Variants in LUZP2 observed in about 807,000 individuals in gnomAD.
LUZP2 encodes leucine zipper protein 2.
A neutral mutation model predicts 51.6 loss-of-function variants in LUZP2; 52 were observed. That is an observed-to-expected ratio of 1.01 (90% CI 0.81 to 1.27). LUZP2 has a LOEUF of 1.27. Among genes scored for constraint, LUZP2 ranks in the 50% most tolerant of loss-of-function variants. The pLI, the probability that LUZP2 is intolerant of heterozygous loss-of-function variation, is 0.00. For missense variants in LUZP2, 436 were observed against 395.4 expected (o/e 1.10, Z -0.87); for synonymous variants, 154 against 137.3 (o/e 1.12, Z -0.85).
intron 10 of LUZP2, among the ~76,000 whole-genome samples, chr11:25,071,680 G>T (rs1859161869): frequency 6.6e-6 from 1 of 151,122 alleles, no homozygotes; most frequent in Non-Finnish European, 1.5e-5. Flanking sequence ...GGGGTTGGGG[G>T]AGAGGGGAGA....
chr11:24,739,170 G>A (rs1357505179), intron 4 of LUZP2, among the ~76,000 whole-genome samples: 2 of 152,048 alleles, frequency 1.3e-5, no homozygotes, highest in Non-Finnish European at 2.9e-5. Context: ...GGAGGAAACT[G>A]TGGGTAAGAG....
intron 1 of LUZP2, among the ~76,000 whole-genome samples, chr11:24,567,238 GAA>G (rs138401731): frequency 4.8e-4 from 71 of 147,304 alleles, no homozygotes; most frequent in Middle Eastern, 3.5e-3. Flanking sequence ...GAGTAGATTT[GAA>G]AAAAAAATCA....
Position 24,655,433 on chromosome 11 carries a change from C to T in LUZP2, c.63-73736C>T, listed in dbSNP as rs10128728. Reference sequence around the variant, plus strand: ...GTGCAGTGAATATTTTGGATCATTTCGGAAATAAACTGCAATTGAGGGATT... The same window carrying T: ...GTGCAGTGAATATTTTGGATCATTTTGGAAATAAACTGCAATTGAGGGATT... On this transcript the variant is annotated intron_variant, in intron 1 of 11. Transcript: ENST00000336930. 9.9e-5 allele frequency among the ~76,000 whole-genome samples: 15 copies of T among 151,624 alleles called. No homozygotes were observed. The East Asian group carries it at 2.3e-3, about 24-fold the overall frequency.
chr11:24,709,490 AAG>A (rs1337685058), intron 1 of LUZP2, among the ~76,000 whole-genome samples: 4 of 152,130 alleles, frequency 2.6e-5, no homozygotes, highest in African/African-American at 9.7e-5. Flanking sequence ...GAGAAGCTAA[AAG>A]AGAAAGGGCA....
intron 1 of LUZP2, among the ~76,000 whole-genome samples, chr11:24,566,808 A>T (rs1332287386): frequency 2.1e-5 from 3 of 142,764 alleles, no homozygotes; most frequent in South Asian, 2.2e-4. Flanking sequence ...ATACATATTT[A>T]TATATAACTT....
At chr11:24,810,336 G>T (rs1192217178) in intron 5 of LUZP2, among the ~76,000 whole-genome samples, 1 of 152,052 alleles carries the variant, frequency 6.6e-6, no homozygotes, top group African/African-American at 2.4e-5. Flanking sequence ...ATTTTTGTAA[G>T]TTAGAAAGAA....
At chr11:24,709,718 G>C (rs569972262) in intron 1 of LUZP2, among the ~76,000 whole-genome samples, 3 of 152,248 alleles carry the variant, frequency 2.0e-5, no homozygotes, top group South Asian at 4.1e-4. Flanking sequence ...AAAGAGGAAT[G>C]TATACAGCCT....
chr11:24,594,754 T>C (rs1853376771), intron 1 of LUZP2, among the ~76,000 whole-genome samples: 1 of 129,468 alleles, frequency 7.7e-6, no homozygotes, highest in African/African-American at 2.9e-5. Context: ...GGGACACTTT[T>C]TTTTTTTTTT....
At position 24,901,962 on chromosome 11, in the gene LUZP2, G is replaced by A. The variant is rs1853294035; in HGVS notation, c.397-4029G>A. ...AGTAAACATGATAAACAGAACTTCA[G>A]TAAAATATAGCAGTGTAATATTTTG... On this transcript the variant is annotated intron_variant, in intron 5 of 11. Transcript: ENST00000336930. Among the ~76,000 whole-genome samples, 2 of 152,050 alleles carry A rather than the reference G, an allele frequency of 1.3e-5. 1 individual carries two copies. Among genetic ancestry groups the A allele is most frequent in the Non-Finnish European group, 2.9e-5 (2 of 67,998 alleles).
intron 7 of LUZP2, among the ~76,000 whole-genome samples, chr11:24,926,077 T>C (rs970240282): frequency 1.8e-4 from 28 of 151,972 alleles, no homozygotes; most frequent in African/African-American, 5.3e-4. Context: ...TTTTGTTCCT[T>C]TTTATGGCTG....
intron 5 of LUZP2, among the ~76,000 whole-genome samples, chr11:24,812,574 C>T (rs1850053763): frequency 1.3e-5 from 2 of 152,102 alleles, no homozygotes; most frequent in Non-Finnish European, 2.9e-5. Context: ...TTCCTTAGCA[C>T]ATGCCATAAT....
chr11:24,687,690 C>A (rs181954180), intron 1 of LUZP2, among the ~76,000 whole-genome samples: 1 of 152,238 alleles, frequency 6.6e-6, no homozygotes, highest in Non-Finnish European at 1.5e-5. Context: ...TTGATTTTCC[C>A]CACTCTATTT....
chr11:25,024,236 C>G (rs991906299), intron 9 of LUZP2, among the ~76,000 whole-genome samples: 28 of 152,172 alleles, frequency 1.8e-4, no homozygotes, highest in African/African-American at 6.5e-4. Flanking sequence ...AAAACTGGCA[C>G]AAGACAGGGA....
chr11:24,717,001 T>A (rs1036369630), intron 1 of LUZP2, among the ~76,000 whole-genome samples: 6 of 152,112 alleles, frequency 3.9e-5, no homozygotes, highest in Non-Finnish European at 7.4e-5. Context: ...CAATCATTTT[T>A]AAAAAATAAA....
At chr11:25,001,190 T>C (rs1416771637) in intron 9 of LUZP2, among the ~76,000 whole-genome samples, 1 of 152,212 alleles carries the variant, frequency 6.6e-6, no homozygotes, top group Non-Finnish European at 1.5e-5. Flanking sequence ...AAGACCTCAT[T>C]CAGTCCATAT....
chr11:25,059,322 G>A (rs1858769713), intron 10 of LUZP2, among the ~76,000 whole-genome samples: 1 of 152,084 alleles, frequency 6.6e-6, no homozygotes, highest in Non-Finnish European at 1.5e-5. Context: ...TATTCCATCT[G>A]CTTTAATTCT....
At position 24,912,682 on chromosome 11, in the gene LUZP2, C is replaced by T. The variant is rs182501569; in HGVS notation, c.460-1794C>T. ...AAAATTAGTCTGGTATGCTGGTGTG[C>T]GCCTGTAGTCCCAGCTACTCAGGAG... On this transcript the variant is annotated intron_variant, in intron 6 of 11. Coordinates refer to ENST00000336930, the MANE Select transcript of LUZP2 (RefSeq NM_001009909.4). Among the ~76,000 whole-genome samples the T allele has an allele frequency of 6.3e-3, 951 of 152,046 alleles. 12 individuals carry two copies. Among genetic ancestry groups the T allele is most frequent in the African/African-American group, 0.022 (903 of 41,484 alleles).
chr11:24,527,563 TCTCTCACA>T (rs1266694224), intron 1 of LUZP2, among the ~76,000 whole-genome samples: 1 of 116,716 alleles, frequency 8.6e-6, no homozygotes, highest in African/African-American at 3.5e-5. Context: ...TCTCTCTCTC[TCTCTCACA>T]CACACACACA....
At chr11:24,522,524 G>T (rs758943049) in intron 1 of LUZP2, among the ~76,000 whole-genome samples, 1 of 152,072 alleles carries the variant, frequency 6.6e-6, no homozygotes, top group Non-Finnish European at 1.5e-5. Flanking sequence ...TGAGGACAGG[G>T]TGTGAGTCTT....
Sources: allele counts gnomAD v4.1 joint callset (sites outside exome capture counted in the v4.1 genomes callset), GRCh38; gene constraint gnomAD v4.1.1; transcripts MANE v1.5; gene names NCBI Gene and HGNC (gene_info 2026-07-23, HGNC 2026-07-21).